The following USP54 variants were observed in gnomAD, a reference collection of about 807,000 sequenced individuals.
USP54 encodes the protein ubiquitin carboxyl-terminal hydrolase 54.
USP54 carries 87 observed loss-of-function variants against 170.5 expected under a neutral mutation model. The observed-to-expected ratio is 0.51, with a 90% confidence interval of 0.43 to 0.61. The LOEUF (loss-of-function observed/expected upper bound fraction) is 0.61, where lower values mean the gene tolerates loss of function less well. Ranked by LOEUF, USP54 falls within the 20% of genes least tolerant of loss-of-function variation. The pLI, the probability that USP54 is intolerant of heterozygous loss-of-function variation, is 0.00. For synonymous variants in USP54, 655 were observed against 742.8 expected (o/e 0.88, Z 1.92); for missense variants, 1,786 against 2,047.8 (o/e 0.87, Z 2.47).
intron 1 of USP54, among the ~76,000 whole-genome samples, chr10:73,598,579 C>G (rs1347568921): frequency 2.0e-5 from 3 of 151,924 alleles, no homozygotes; most frequent in East Asian, 1.9e-4. Flanking sequence ...GAGTTGAAGA[C>G]CAGCCTGGCC....
intron 4 of USP54, 57 bp from the exon 5 acceptor site, chr10:73,545,729 A>G: frequency 1.3e-6 from 2 of 1,588,824 alleles, no homozygotes; most frequent in Non-Finnish European, 1.7e-6. Flanking sequence ...AAACTTCTAT[A>G]CATCCTAGTC....
chr10:73,570,407 TAA>T (rs10601969), intron 4 of USP54, among the ~76,000 whole-genome samples: 13,427 of 143,918 alleles, frequency 0.093, 894 homozygotes, highest in African/African-American at 0.19. Flanking sequence ...GGTGGGGAAG[TAA>T]AAAAAAAAAC....
At position 73,620,291 on chromosome 10, in the gene USP54, C is replaced by T. The variant is rs543705820; in HGVS notation, c.-18+5276G>A. On this transcript the variant is annotated intron_variant, in intron 1 of 22. Transcript: ENST00000339859. ...TTGTGCCACTGCACTCTAGCCTGGG[C>T]GACAGAGCGAGACTCCATCTCAAAA... Among the ~76,000 whole-genome samples the T allele has an allele frequency of 2.7e-3, 393 of 143,936 alleles. 28 individuals carry two copies. Among genetic ancestry groups the T allele is most frequent in the African/African-American group, 0.01 (370 of 36,200 alleles). The allele number at this position is 143,936 out of a possible 152,430, so 94.4% of individuals were successfully genotyped here. A position where few individuals can be genotyped will look rare whatever the true frequency, so the allele number is the denominator to read the frequency against.
At chr10:73,615,623 A>AT (rs1470046343) in intron 1 of USP54, among the ~76,000 whole-genome samples, 1 of 150,276 alleles carries the variant, frequency 6.7e-6, no homozygotes. Flanking sequence ...AAAATAAAAT[A>AT]TTTTTTTAAA....
intron 1 of USP54, among the ~76,000 whole-genome samples, chr10:73,619,229 T>A (rs2080893221): frequency 6.7e-6 from 1 of 150,022 alleles, no homozygotes; most frequent in African/African-American, 2.5e-5. Flanking sequence ...TGCATGTATT[T>A]CTTTTTTCTT....
intron 3 of USP54, among the ~76,000 whole-genome samples, chr10:73,574,900 C>A (rs1013289080): frequency 6.7e-6 from 1 of 150,312 alleles, no homozygotes; most frequent in Non-Finnish European, 1.5e-5. Flanking sequence ...AAAATAGGAA[C>A]CTGTAGAGAC....
rs531088641 is a variant in USP54, at chr10:73,530,799, G to T, written c.1352C>A (p.Thr451Lys). ...CTCTATCAGTGACCCTTTCTTGGAT[G>T]TGTGTTTCTGATTACATTCACTATC... Reference protein sequence around the residue: ...LTDSECNQKHTSKKGSLIERK... With the variant: ...LTDSECNQKHKSKKGSLIERK... The change falls in exon 13 of 24, where the codon ACA becomes AAA. Residue 451 changes from threonine (T) to lysine (K), a missense_variant. Transcript: ENST00000687698. The T allele has an allele frequency of 6.2e-7, 1 of 1,614,114 alleles. No individual in the cohort carries two copies. Among genetic ancestry groups the T allele is most frequent in the South Asian group, 1.1e-5 (1 of 91,070 alleles).
At chr10:73,538,851 C>A (rs1388405719) in intron 10 of USP54, among the ~76,000 whole-genome samples, 1 of 152,006 alleles carries the variant, frequency 6.6e-6, no homozygotes, top group African/African-American at 2.4e-5. Context: ...CCTATAAATA[C>A]AAAACTGCTG....
chr10:73,549,270 T>C (rs1425902180), intron 4 of USP54, among the ~76,000 whole-genome samples: 2 of 152,160 alleles, frequency 1.3e-5, no homozygotes, highest in Admixed American at 6.5e-5. Flanking sequence ...TACACATACA[T>C]TGACAATTCC....
At chr10:73,574,856 A>G (rs2075865728) in intron 3 of USP54, among the ~76,000 whole-genome samples, 1 of 145,290 alleles carries the variant, frequency 6.9e-6, no homozygotes, top group Non-Finnish European at 1.5e-5. Context: ...AGACTGTCCA[A>G]AAAAAAAAAA....
intron 20 of USP54, among the ~76,000 whole-genome samples, chr10:73,508,811 G>A (rs1281635016): frequency 6.6e-6 from 1 of 151,768 alleles, no homozygotes; most frequent in African/African-American, 2.4e-5. Context: ...GGGACTACAG[G>A]TGCATGCCAC....
rs72814318 is a variant in USP54 at position 73,561,575 on chromosome 10, C to T, written c.240+9846G>A. 3.4e-3 allele frequency among the ~76,000 whole-genome samples: 523 copies of T among 152,172 alleles called. 2 individuals carry two copies. The highest frequency in any genetic ancestry group is 0.012 in the Admixed American group (179 of 15,272). On this transcript the variant is annotated intron_variant, in intron 4 of 23. Coordinates refer to ENST00000687698, the MANE Select transcript of USP54 (RefSeq NM_001391956.1). ...GGCAAAAGGGAGGCAAAACACTCCACGCAAAGTGAATGGCATCTGAAATGT... is the reference window on the plus strand; with the variant it reads ...GGCAAAAGGGAGGCAAAACACTCCATGCAAAGTGAATGGCATCTGAAATGT...
intron 4 of USP54, among the ~76,000 whole-genome samples, chr10:73,547,156 C>T (rs1033078450): frequency 1.2e-4 from 19 of 152,264 alleles, no homozygotes; most frequent in African/African-American, 2.2e-4. Flanking sequence ...CAGTGGCACA[C>T]GCCTATAATG....
At chr10:73,501,636 C>A (rs1263668954) in intron 22 of USP54, among the ~76,000 whole-genome samples, 3 of 152,192 alleles carry the variant, frequency 2.0e-5, no homozygotes, top group Non-Finnish European at 2.9e-5. Context: ...AGCCTTCAAT[C>A]TGCTTTTCCT....
intron 20 of USP54, chr10:73,513,080 G>T (rs2060468784): frequency 6.6e-6 from 1 of 152,026 alleles, no homozygotes; most frequent in African/African-American, 2.4e-5. Flanking sequence ...CTTCTAAAAG[G>T]TTATTCTAAG....
chr10:73,527,357 G>C (rs1335326359), intron 15 of USP54, among the ~76,000 whole-genome samples: 1 of 152,062 alleles, frequency 6.6e-6, no homozygotes, highest in East Asian at 1.9e-4. Flanking sequence ...AATTAGCTGG[G>C]TGTGGTGGTG....
chr10:73,600,846 G>A (rs564731413), intron 1 of USP54, among the ~76,000 whole-genome samples: 249 of 152,166 alleles, frequency 1.6e-3, no homozygotes, highest in African/African-American at 5.5e-3. Context: ...CCCGGGGGGC[G>A]GAGGTTGCAG....
At chr10:73,545,792 T>C in intron 4 of USP54, 120 bp from the exon 5 acceptor site, 3 of 1,110,400 alleles carry the variant, frequency 2.7e-6, no homozygotes, top group Non-Finnish European at 3.8e-6. Flanking sequence ...GTGCTTCCCA[T>C]GGGTTGACAT....
chr10:73,571,618 T>A, intron 3 of USP54, 105 bp from the exon 4 acceptor site: 1 of 800,554 alleles, frequency 1.2e-6, no homozygotes, highest in East Asian at 2.8e-5. Context: ...AAGATGTCTT[T>A]ATTCCCAAAA....
Sources: allele counts gnomAD v4.1 joint callset (sites outside exome capture counted in the v4.1 genomes callset), GRCh38; gene constraint gnomAD v4.1.1; transcripts MANE v1.5; gene names NCBI Gene and HGNC (gene_info 2026-07-23, HGNC 2026-07-21).